SH3GL3: variants seen among roughly 807,000 people sequenced by gnomAD.
SH3GL3 encodes the protein SH3 domain containing GRB2 like 3, endophilin A3, also known as endophilin-A3.
A neutral mutation model predicts 47.7 loss-of-function variants in SH3GL3; 33 were observed. The ratio of observed to expected loss-of-function variants is 0.69; its 90% CI spans 0.52 to 0.92. The LOEUF (loss-of-function observed/expected upper bound fraction) is 0.92, where lower values mean the gene tolerates loss of function less well. Ranked by LOEUF, SH3GL3 falls within the 40% of genes least tolerant of loss-of-function variation. The pLI, the probability that SH3GL3 is intolerant of heterozygous loss-of-function variation, is 0.00. For missense variants in SH3GL3, 363 were observed against 417.8 expected, an observed-to-expected ratio of 0.87 and a Z score of 1.14; for synonymous variants, 155 against 148.8, an observed-to-expected ratio of 1.04 and a Z score of -0.30.
downstream of SH3GL3, among the ~76,000 whole-genome samples, chr15:83,623,724 C>T (rs181254771): frequency 3.3e-5 from 5 of 152,318 alleles, no homozygotes; most frequent in South Asian, 4.1e-4. Flanking sequence ...TCAAGCTTAT[C>T]GCTCTGGCTT....
At chr15:83,588,000 C>G (rs1373324200) in intron 7 of SH3GL3, among the ~76,000 whole-genome samples, 1 of 152,200 alleles carries the variant, frequency 6.6e-6, no homozygotes, top group African/African-American at 2.4e-5. Context: ...ATAATTCTAT[C>G]ATAATCTATA....
chr15:83,632,137 C>G, the SH3GL3 span, among the ~76,000 whole-genome samples: 2 of 152,164 alleles, frequency 1.3e-5, no homozygotes, highest in African/African-American at 4.8e-5. Context: ...TTTCTCATCT[C>G]CAAGACCACC....
rs534300904 is a variant in SH3GL3, at chr15:83,580,603, A to G, written c.624+3862A>G. On this transcript the variant is annotated intron_variant, in intron 6 of 8. Coordinates refer to ENST00000427482, the MANE Select transcript of SH3GL3 (RefSeq NM_003027.5). ...GAATCAAGGGACATCTCTTTAACTGATGAGAATGCTTGAAAATTGTAAAAT... is the reference window on the plus strand; with the variant it reads ...GAATCAAGGGACATCTCTTTAACTGGTGAGAATGCTTGAAAATTGTAAAAT... Among the ~76,000 whole-genome samples, 11 of 152,380 alleles carry G rather than the reference A, an allele frequency of 7.2e-5. No individual in the cohort carries two copies. The South Asian group carries it at 2.1e-3, about 29-fold the overall frequency.
At chr15:83,475,177 G>A (rs534553982) in intron 1 of SH3GL3, among the ~76,000 whole-genome samples, 14 of 150,990 alleles carry the variant, frequency 9.3e-5, no homozygotes, top group South Asian at 4.2e-4. Context: ...ATAAAAATTC[G>A]TTTTAAAAAA....
chr15:83,624,892 A>G, the SH3GL3 span, among the ~76,000 whole-genome samples: 1 of 152,276 alleles, frequency 6.6e-6, no homozygotes, highest in Admixed American at 6.5e-5. Flanking sequence ...TCAGGCCCGA[A>G]GTGTTCCTTT....
At chr15:83,497,206 C>T (rs2151596398) in intron 1 of SH3GL3, among the ~76,000 whole-genome samples, 1 of 152,302 alleles carries the variant, frequency 6.6e-6, no homozygotes, top group Admixed American at 6.5e-5. Context: ...TTTGTCATGG[C>T]TCTTGAAGAC....
At chr15:83,593,529 T>G (rs775781454) in intron 8 of SH3GL3, among the ~76,000 whole-genome samples, 1 of 152,238 alleles carries the variant, frequency 6.6e-6, no homozygotes, top group Non-Finnish European at 1.5e-5. Flanking sequence ...ATTCCATTGA[T>G]TTTTGTATAT....
chr15:83,476,430 A>G (rs151165416), intron 1 of SH3GL3, among the ~76,000 whole-genome samples: 1 of 152,232 alleles, frequency 6.6e-6, no homozygotes, highest in Non-Finnish European at 1.5e-5. Flanking sequence ...TTCATCATTC[A>G]TTGGAGCCAG....
chr15:83,611,211 T>C (rs1460529083), intron 8 of SH3GL3, among the ~76,000 whole-genome samples: 5 of 151,864 alleles, frequency 3.3e-5, no homozygotes, highest in African/African-American at 1.2e-4. Flanking sequence ...ATACAGTACT[T>C]ACTGACCAGC....
At chr15:83,464,307 T>C (rs1047254814) in intron 1 of SH3GL3, among the ~76,000 whole-genome samples, 3 of 152,156 alleles carry the variant, frequency 2.0e-5, no homozygotes, top group Admixed American at 2.0e-4. Flanking sequence ...TAATGGGTCC[T>C]TCTCATGCCC....
At chr15:83,579,847 ATGTCAGTG>A (rs1315103900) in intron 6 of SH3GL3, among the ~76,000 whole-genome samples, 1 of 152,108 alleles carries the variant, frequency 6.6e-6, no homozygotes, top group African/African-American at 2.4e-5. Context: ...ATCCTTTTCC[ATGTCAGTG>A]TGTCTGTGCC....
chr15:83,476,533 G>A (rs2041106686), intron 1 of SH3GL3, among the ~76,000 whole-genome samples: 1 of 152,184 alleles, frequency 6.6e-6, no homozygotes, highest in Non-Finnish European at 1.5e-5. Context: ...CCCACTGCCT[G>A]TTTTATTGTA....
intron 1 of SH3GL3, among the ~76,000 whole-genome samples, chr15:83,494,570 T>C (rs2042004665): frequency 1.3e-5 from 2 of 150,358 alleles, no homozygotes; most frequent in Admixed American, 1.3e-4. Context: ...TTGAGGTGAG[T>C]CTTGCTCTGT....
chr15:83,536,385 T>TTTTC (rs2043904092), intron 1 of SH3GL3, among the ~76,000 whole-genome samples: 1 of 135,646 alleles, frequency 7.4e-6, no homozygotes, highest in African/African-American at 2.9e-5. Flanking sequence ...TGCCTTTTTC[T>TTTTC]TTTTCTTTTC....
At chr15:83,494,044 C>T (rs986940573) in intron 1 of SH3GL3, among the ~76,000 whole-genome samples, 2 of 152,184 alleles carry the variant, frequency 1.3e-5, no homozygotes, top group African/African-American at 2.4e-5. Flanking sequence ...AAGCCTGAGT[C>T]GTTGTTAGGG....
intron 6 of SH3GL3, among the ~76,000 whole-genome samples, chr15:83,579,543 C>T (rs1567007864): frequency 6.6e-6 from 1 of 152,216 alleles, no homozygotes; most frequent in Non-Finnish European, 1.5e-5. Context: ...GCTGCAATGG[C>T]TGCTAGGTGT....
At chr15:83,507,299 T>C (rs533151811) in intron 1 of SH3GL3, among the ~76,000 whole-genome samples, 50 of 152,156 alleles carry the variant, frequency 3.3e-4, no homozygotes, top group Middle Eastern at 6.8e-3. Flanking sequence ...TGAGCCACCG[T>C]GCCCGGCCTG....
chr15:83,536,547 G>A (rs1423058687), intron 1 of SH3GL3, among the ~76,000 whole-genome samples: 2 of 151,558 alleles, frequency 1.3e-5, no homozygotes, highest in African/African-American at 4.8e-5. Context: ...AAATTACAGG[G>A]ATGTGCCACC....
chr15:83,541,129 T>A (rs2044132133), intron 1 of SH3GL3, among the ~76,000 whole-genome samples: 1 of 152,048 alleles, frequency 6.6e-6, no homozygotes, highest in African/African-American at 2.4e-5. Context: ...CATTCTTTTT[T>A]ATGGCTGAAT....
Sources: allele counts gnomAD v4.1 joint callset (sites outside exome capture counted in the v4.1 genomes callset), GRCh38; gene constraint gnomAD v4.1.1; transcripts MANE v1.5; gene names NCBI Gene and HGNC (gene_info 2026-07-23, HGNC 2026-07-21).